The following ZNF721 variants were observed in gnomAD, a reference collection of about 807,000 sequenced individuals.
The protein encoded by ZNF721 is zinc finger protein 721.
ZNF721 carries 2 observed loss-of-function variants against 2.4 expected under a neutral mutation model. The ratio of observed to expected loss-of-function variants is 0.82; its 90% CI spans 0.34 to 2.58. The LOEUF is 2.58. Ranked by LOEUF, ZNF721 falls within the 30% of genes most tolerant of loss-of-function variation. The pLI is 0.11. For missense variants in ZNF721, 1,187 were observed against 1,085.5 expected (o/e 1.09, Z -1.31); for synonymous variants, 398 against 381.8 (o/e 1.04, Z -0.50).
At chr4:477,146 A>G (rs781941682) in intron 1 of ZNF721, among the ~76,000 whole-genome samples, 16 of 152,144 alleles carry the variant, frequency 1.1e-4, no homozygotes, top group Non-Finnish European at 2.1e-4. Context: ...CTTCTGGACA[A>G]CCATCTTCCT....
In ZNF721 at chr4:443,660, C is replaced by A; in HGVS notation, c.807G>T (p.Arg269Ser). The part of the protein sequence containing the change: ...SSSSSFAKHK[R>S]IHTGEKPFKC... ...TAAAGGGTTTCTCGCCAGTATGAAT[C>A]CTCTTATGTTTAGCAAAGCTTGAGG... The change falls in exon 3 of 3, where the codon AGG becomes AGT. Residue 269 changes from arginine to serine, a missense_variant. Transcript: ENST00000511833. 3 of 1,613,598 alleles carry A rather than the reference C, an allele frequency of 1.9e-6. 1 individual carries two copies. The highest frequency in any genetic ancestry group is 1.3e-5 in the African/African-American group (1 of 74,856).
chr4:457,558 C>A (rs893199826), intron 2 of ZNF721, among the ~76,000 whole-genome samples: 3 of 152,136 alleles, frequency 2.0e-5, no homozygotes, highest in Non-Finnish European at 4.4e-5. Context: ...AGGTGAAAGG[C>A]CTTTAGAAGT....
intron 2 of ZNF721, among the ~76,000 whole-genome samples, chr4:450,739 C>T (rs1360022552): frequency 6.6e-6 from 1 of 151,480 alleles, no homozygotes; most frequent in Non-Finnish European, 1.5e-5. Context: ...AGATCGAGAC[C>T]GTCCTGGCTA....
chr4:450,389 G>A (rs1017930159), intron 2 of ZNF721, among the ~76,000 whole-genome samples: 4 of 152,120 alleles, frequency 2.6e-5, no homozygotes, highest in Non-Finnish European at 5.9e-5. Flanking sequence ...GAACGTGGAG[G>A]CCATTATGTT....
chr4:494,711 T>C (rs1456521394), intron 1 of ZNF721, among the ~76,000 whole-genome samples: 1 of 152,124 alleles, frequency 6.6e-6, no homozygotes, highest in Non-Finnish European at 1.5e-5. Context: ...TATTTTTCTT[T>C]GAGCCAAATC....
intron 2 of ZNF721, among the ~76,000 whole-genome samples, chr4:455,386 G>A (rs1714814738): frequency 1.3e-5 from 2 of 152,186 alleles, no homozygotes; most frequent in South Asian, 2.1e-4. Context: ...TGGCCAACAC[G>A]GTGAAACCCT....
intron 1 of ZNF721, among the ~76,000 whole-genome samples, chr4:487,871 C>T (rs1299855249): frequency 1.3e-5 from 2 of 152,156 alleles, no homozygotes; most frequent in Non-Finnish European, 2.9e-5. Context: ...CTCATCTACA[C>T]CCGAGTAGCA....
intron 2 of ZNF721, among the ~76,000 whole-genome samples, chr4:459,153 G>T (rs1484326964): frequency 6.6e-6 from 1 of 152,058 alleles, no homozygotes; most frequent in African/African-American, 2.4e-5. Context: ...CTTGAAGGAT[G>T]GACATATGAA....
intron 2 of ZNF721, chr4:454,133 C>T (rs935160586): frequency 1.3e-5 from 2 of 152,222 alleles, no homozygotes; most frequent in Non-Finnish European, 2.9e-5. Context: ...ACTATGATTA[C>T]AGTAACTATA....
At chr4:480,795 GAA>G (rs1437393431) in intron 1 of ZNF721, among the ~76,000 whole-genome samples, 1 of 126,308 alleles carries the variant, frequency 7.9e-6, no homozygotes, top group Non-Finnish European at 1.6e-5. Flanking sequence ...TATCTATCAA[GAA>G]ACTTTTAAGT....
intron 1 of ZNF721, among the ~76,000 whole-genome samples, chr4:490,967 A>AT (rs1553871385): frequency 1.3e-5 from 2 of 151,746 alleles, no homozygotes; most frequent in Non-Finnish European, 2.9e-5. Flanking sequence ...AAAAAAAAAA[A>AT]GAACAGGAAG....
At chr4:473,251 G>C (rs1236898345) in intron 1 of ZNF721, among the ~76,000 whole-genome samples, 1 of 152,140 alleles carries the variant, frequency 6.6e-6, no homozygotes, top group Non-Finnish European at 1.5e-5. Context: ...AAGAGTCCAT[G>C]AGTTAGCGTC....
intron 1 of ZNF721, among the ~76,000 whole-genome samples, chr4:480,053 T>A (rs1313477015): frequency 6.6e-6 from 1 of 152,210 alleles, no homozygotes; most frequent in African/African-American, 2.4e-5. Flanking sequence ...TGGATGTCAG[T>A]GATTCAGGAT....
intron 1 of ZNF721, among the ~76,000 whole-genome samples, chr4:482,417 G>A (rs1715793796): frequency 2.6e-5 from 4 of 151,958 alleles, no homozygotes; most frequent in East Asian, 3.9e-4. Flanking sequence ...CGCCCACCTC[G>A]GCCTCCCAAA....
chr4:497,850 A>G (rs1716294099), intron 1 of ZNF721, among the ~76,000 whole-genome samples: 2 of 151,374 alleles, frequency 1.3e-5, no homozygotes, highest in Non-Finnish European at 2.9e-5. Context: ...GTGAGCGGAG[A>G]TGGTGCCACT....
chr4:477,026 T>C (rs1446015614), intron 1 of ZNF721, among the ~76,000 whole-genome samples: 1 of 152,162 alleles, frequency 6.6e-6, no homozygotes, highest in African/African-American at 2.4e-5. Context: ...TTGTTTGTTT[T>C]TCCTCACTCC....
chr4:451,599 T>C (rs547351852), intron 2 of ZNF721, among the ~76,000 whole-genome samples: 1 of 152,318 alleles, frequency 6.6e-6, no homozygotes, highest in African/African-American at 2.4e-5. Flanking sequence ...CTTTCTCCCT[T>C]CTCCACTTCC....
chr4:498,726 C>CTTTTTTT (rs1180549953), intron 1 of ZNF721, among the ~76,000 whole-genome samples: 3 of 132,552 alleles, frequency 2.3e-5, no homozygotes, highest in Non-Finnish European at 4.8e-5. Flanking sequence ...GTTGAATTTT[C>CTTTTTTT]TTTTTTTTTT....
intron 1 of ZNF721, among the ~76,000 whole-genome samples, chr4:489,719 G>T (rs552374622): frequency 6.6e-6 from 1 of 152,322 alleles, no homozygotes; most frequent in East Asian, 1.9e-4. Flanking sequence ...TGTAGCTACT[G>T]GGGAGGAATG....
Sources: allele counts gnomAD v4.1 joint callset (sites outside exome capture counted in the v4.1 genomes callset), GRCh38; gene constraint gnomAD v4.1.1; transcripts MANE v1.5; gene names NCBI Gene and HGNC (gene_info 2026-07-23, HGNC 2026-07-21).